The following IL1RN variants were observed in gnomAD, a reference collection of about 807,000 sequenced individuals.
IL1RN encodes interleukin 1 receptor antagonist, also known as interleukin-1 receptor antagonist protein.
Under a neutral mutation model 13.7 loss-of-function variants are expected in IL1RN, and 10 were observed. The observed-to-expected ratio is 0.73, with a 90% CI of 0.45 to 1.24. The LOEUF (loss-of-function observed/expected upper bound fraction) is 1.24, where lower values mean the gene tolerates loss of function less well. Among genes scored for constraint, IL1RN ranks in the 50% most tolerant of loss-of-function variants. The pLI is 0.00. For missense variants in IL1RN, 213 were observed against 222.1 expected (o/e 0.96, Z 0.26); for synonymous variants, 102 against 82.7 (o/e 1.23, Z -1.27).
chr2:113,132,186 C>T (rs559734086), intron 3 of IL1RN, among the ~76,000 whole-genome samples: 5 of 152,338 alleles, frequency 3.3e-5, no homozygotes, highest in East Asian at 3.9e-4. Flanking sequence ...CAGTGGCTCA[C>T]GCCTGTAATC....
In IL1RN at chr2:113,131,164, A is replaced by T; in HGVS notation, c.318+7A>T. ...GACCAGACTCCAGCTGGAGGTAAAAACATGCTTTGGATCTCAAATCACCCC... is the reference window on the plus strand; with the variant it reads ...GACCAGACTCCAGCTGGAGGTAAAATCATGCTTTGGATCTCAAATCACCCC... On this transcript the variant is annotated splice_region_variant and intron_variant, in intron 3 of 3. Coordinates refer to ENST00000409930, the MANE Select transcript of IL1RN (RefSeq NM_173842.3). 1 of 1,569,490 alleles carries T rather than the reference A, an allele frequency of 6.4e-7. No homozygotes were observed. Among genetic ancestry groups the T allele is most frequent in the Middle Eastern group, 1.7e-4 (1 of 5,990 alleles).
chr2:113,121,021 C>CTCTTCTTCTTCT (rs147542912), intron 2 of IL1RN, among the ~76,000 whole-genome samples: 16 of 138,490 alleles, frequency 1.2e-4, no homozygotes, highest in African/African-American at 3.5e-4. Flanking sequence ...CCTCCTTCTC[C>CTCTTCTTCTTCT]TCTTCTTCTT....
upstream of IL1RN, chr2:113,115,428 C>G (rs1686573641): frequency 6.6e-6 from 1 of 152,196 alleles, no homozygotes; most frequent in South Asian, 2.1e-4. Flanking sequence ...CATTAAACCT[C>G]AATATCTTGC....
At chr2:113,124,940 A>C (rs931907796), upstream of IL1RN, among the ~76,000 whole-genome samples, 3 of 152,170 alleles carry the variant, frequency 2.0e-5, no homozygotes, top group African/African-American at 7.2e-5. Flanking sequence ...CTCCAGGAGA[A>C]TACTCTCTGA....
chr2:113,105,782 G>T (rs1686377225), upstream of IL1RN, among the ~76,000 whole-genome samples: 1 of 152,128 alleles, frequency 6.6e-6, no homozygotes, highest in South Asian at 2.1e-4. Context: ...AACACATTGA[G>T]GTTACCTCTA....
At chr2:113,104,481 A>C (rs1623119), upstream of IL1RN, among the ~76,000 whole-genome samples, 1 of 151,860 alleles carries the variant, frequency 6.6e-6, no homozygotes, top group Non-Finnish European at 1.5e-5. Flanking sequence ...GGGCCTTCTC[A>C]TGGTGGGGGC....
upstream of IL1RN, among the ~76,000 whole-genome samples, chr2:113,126,572 T>C (rs575442406): frequency 7.5e-4 from 114 of 152,330 alleles, no homozygotes; most frequent in African/African-American, 2.7e-3. Context: ...TTTTTCCTAA[T>C]GTTCCAGGCC....
upstream of IL1RN, among the ~76,000 whole-genome samples, chr2:113,108,379 T>G (rs1219997909): frequency 2.6e-5 from 4 of 152,078 alleles, no homozygotes; most frequent in Admixed American, 2.6e-4. Context: ...CATTTAGCAT[T>G]AGGTATATCT....
intron 1 of IL1RN, chr2:113,120,035 A>T: frequency 6.3e-7 from 1 of 1,584,498 alleles, no homozygotes; most frequent in Non-Finnish European, 8.7e-7. Flanking sequence ...CTTTCTCTCT[A>T]CACAATGGGG....
chr2:113,132,985 G>A lies in IL1RN; in HGVS notation c.*114G>A, dbSNP rs1687229752. The A allele has an allele frequency of 9.9e-7, 1 of 1,013,932 alleles. No homozygotes were observed. 62.8% of individuals were successfully genotyped at this position (1,013,932 alleles called of 1,614,324 possible). A position where few individuals can be genotyped will look rare whatever the true frequency, so the allele number is the denominator to read the frequency against. ...GGCACTGAGGACCAGCCATTGAGGG[G>A]TGGACCCTCAGAAGGCGTCACAACA... On this transcript the variant is annotated 3_prime_UTR_variant, in exon 4 of 4. Coordinates refer to ENST00000409930, the MANE Select transcript of IL1RN (RefSeq NM_173842.3).
chr2:113,117,699 G>A, upstream of IL1RN: 1 of 525,722 alleles, frequency 1.9e-6, no homozygotes, highest in Non-Finnish European at 3.5e-6. Context: ...TTCTCTGCAT[G>A]TGACCTCCCA....
upstream of IL1RN, among the ~76,000 whole-genome samples, chr2:113,123,754 T>G (rs1190963463): frequency 6.6e-6 from 1 of 152,214 alleles, no homozygotes; most frequent in Non-Finnish European, 1.5e-5. Flanking sequence ...ATTTGAATCA[T>G]GGATTTGAAT....
rs1441354480 is a variant in IL1RN at position 113,133,220 on chromosome 2, C to T, written c.*349C>T. The stretch of plus-strand genomic sequence containing the variant: ...CCTCCCTCATTCCACCTTCCCATGC[C>T]CTGGATCCATCAGGCCACTTGATGA... On this transcript the variant is annotated 3_prime_UTR_variant, in exon 4 of 4. Transcript: ENST00000409930. The T allele has an allele frequency of 2.5e-6, 1 of 395,212 alleles. No individual in the cohort carries two copies. Among genetic ancestry groups the T allele is most frequent in the African/African-American group, 2.1e-5 (1 of 48,478 alleles). 24.5% of individuals were successfully genotyped at this position (395,212 alleles called of 1,614,324 possible). A position where few individuals can be genotyped will look rare whatever the true frequency, so the allele number is the denominator to read the frequency against.
At chr2:113,126,031 C>T (rs1278720760), upstream of IL1RN, among the ~76,000 whole-genome samples, 1 of 152,212 alleles carries the variant, frequency 6.6e-6, no homozygotes, top group African/African-American at 2.4e-5. Flanking sequence ...CTCCTGACCT[C>T]AGGTGATCCG....
At position 113,129,567 on chromosome 2, in the gene IL1RN, C is replaced by G; in HGVS notation, c.117-9C>G. On this transcript the variant is annotated splice_polypyrimidine_tract_variant and intron_variant, in intron 1 of 3. Coordinates refer to ENST00000409930, the MANE Select transcript of IL1RN (RefSeq NM_173842.3). The stretch of plus-strand genomic sequence containing the variant: ...CTGTGCACTACAGCTGAGTCCTTTT[C>G]CTTTTCAGAATCTGGGATGTTAACC... 6.3e-7 allele frequency: 1 copy of G among 1,589,816 alleles called. No homozygotes were observed. Among genetic ancestry groups the G allele is most frequent in the Non-Finnish European group, 8.6e-7 (1 of 1,157,838 alleles).
chr2:113,111,717 T>C (rs925576336), intron 1 of IL1RN, among the ~76,000 whole-genome samples: 2 of 146,226 alleles, frequency 1.4e-5, no homozygotes, highest in Non-Finnish European at 2.9e-5. Flanking sequence ...CCATTCAGTC[T>C]TTCCTTTACA....
At chr2:113,106,593 C>T (rs554468144), upstream of IL1RN, among the ~76,000 whole-genome samples, 2 of 152,176 alleles carry the variant, frequency 1.3e-5, no homozygotes, top group South Asian at 4.1e-4. Context: ...TTATAAATAA[C>T]TTAATGTGGC....
At chr2:113,127,471 C>G, upstream of IL1RN, 7 of 1,430,258 alleles carry the variant, frequency 4.9e-6, no homozygotes, top group Non-Finnish European at 6.4e-6. Flanking sequence ...GTGACAACAG[C>G]AAGGGTTTCT....
At chr2:113,119,889 G>A (rs1229633819) in intron 1 of IL1RN, among the ~76,000 whole-genome samples, 1 of 152,134 alleles carries the variant, frequency 6.6e-6, no homozygotes, top group Admixed American at 6.5e-5. Context: ...AGGGTGCCAA[G>A]AAGAGAAAAG....
Sources: allele counts gnomAD v4.1 joint callset (sites outside exome capture counted in the v4.1 genomes callset), GRCh38; gene constraint gnomAD v4.1.1; transcripts MANE v1.5; gene names NCBI Gene and HGNC (gene_info 2026-07-23, HGNC 2026-07-21).